NXPE2: variants seen among roughly 807,000 people sequenced by gnomAD.
The protein encoded by NXPE2 is neurexophilin and PC-esterase domain family member 2.
A neutral mutation model predicts 34.4 loss-of-function variants in NXPE2; 34 were observed. That is an observed-to-expected ratio of 0.99 (90% confidence interval 0.75 to 1.31). The LOEUF (loss-of-function observed/expected upper bound fraction) is 1.31. Among genes scored for constraint, NXPE2 ranks in the 40% most tolerant of loss-of-function variants. The probability of loss-of-function intolerance (pLI) is 0.00; values close to 1 mark genes in which losing one functional copy is unlikely to be tolerated. For synonymous variants in NXPE2, 235 were observed against 231.3 expected, an observed-to-expected ratio of 1.02 and a Z score of -0.15; for missense variants, 649 against 672.5, an observed-to-expected ratio of 0.97 and a Z score of 0.39.
At chr11:114,766,981 C>A in the NXPE2 span, among the ~76,000 whole-genome samples, 1 of 149,312 alleles carries the variant, frequency 6.7e-6, no homozygotes, top group African/African-American at 2.5e-5. Context: ...CTTGAAATTT[C>A]TGAAAAAAAA....
the NXPE2 span, among the ~76,000 whole-genome samples, chr11:114,492,293 G>T: frequency 6.6e-6 from 1 of 151,868 alleles, no homozygotes; most frequent in Non-Finnish European, 1.5e-5. Context: ...TATTTGTATA[G>T]TTTCCAAAAA....
the NXPE2 span, among the ~76,000 whole-genome samples, chr11:114,469,404 C>T: frequency 3.3e-4 from 50 of 151,226 alleles, no homozygotes; most frequent in African/African-American, 1.0e-3. Flanking sequence ...TGAGCCACCG[C>T]GCCTTGCCAC....
At chr11:114,659,921 G>A in the NXPE2 span, among the ~76,000 whole-genome samples, 1 of 152,018 alleles carries the variant, frequency 6.6e-6, no homozygotes, top group Non-Finnish European at 1.5e-5. Flanking sequence ...TGCTCAGGAT[G>A]ACTAAAAAGA....
chr11:114,800,527 A>G, the NXPE2 span, among the ~76,000 whole-genome samples: 2 of 152,170 alleles, frequency 1.3e-5, no homozygotes, highest in African/African-American at 4.8e-5. Flanking sequence ...GTTAGCAGTG[A>G]AGTTTCTATC....
intron 2 of NXPE2, among the ~76,000 whole-genome samples, 187 bp downstream of exon 2, chr11:114,679,949 G>A (rs1202623088): frequency 6.6e-6 from 1 of 152,040 alleles, no homozygotes; most frequent in African/African-American, 2.4e-5. Flanking sequence ...ATTTTAAATG[G>A]CAATGTATAC....
At position 114,706,674 on chromosome 11, in the gene NXPE2, G is replaced by A. The variant is rs748246882; in HGVS notation, c.1424G>A (p.Arg475His). The A allele has an allele frequency of 5.8e-6, 9 of 1,551,872 alleles. No individual in the cohort carries two copies. Among genetic ancestry groups the A allele is most frequent in the South Asian group, 3.6e-5 (3 of 84,064 alleles). The change falls in exon 6 of 6, where the codon CGT (arginine) becomes CAT (histidine). Residue 475 changes from arginine to histidine, a missense_variant. Physicochemically the swap from Arg to His is conservative, Grantham distance 29. Transcript: ENST00000389586. ...RAINIQKAIE[R>H]LFLRSPETKV... ...ATCAATATTCAAAAGGCCATTGAAC[G>A]TCTATTCTTGCGAAGCCCGGAGACC...
chr11:114,632,139 A>T, the NXPE2 span, among the ~76,000 whole-genome samples: 19 of 143,808 alleles, frequency 1.3e-4, 1 homozygote, highest in Admixed American at 1.3e-3. Context: ...AATATATTAT[A>T]ATTTATTATG....
chr11:114,571,113 A>C, the NXPE2 span: 11 of 1,613,940 alleles, frequency 6.8e-6, no homozygotes, highest in Non-Finnish European at 9.3e-6. Context: ...AAAGTCACTA[A>C]ATCTTTCTGC....
chr11:114,570,229 A>G, the NXPE2 span, among the ~76,000 whole-genome samples: 1 of 152,138 alleles, frequency 6.6e-6, no homozygotes, highest in Admixed American at 6.5e-5. Flanking sequence ...TGGTCTCTCC[A>G]GTCTTTGACT....
At chr11:114,706,309 G>A (rs1325729385) in intron 5 of NXPE2, 86 bp from the exon 6 acceptor site, 3 of 1,163,480 alleles carry the variant, frequency 2.6e-6, no homozygotes, top group Non-Finnish European at 3.5e-6. Flanking sequence ...AAGTGATCTT[G>A]GTTAGAATTT....
chr11:114,666,373 G>T, the NXPE2 span, among the ~76,000 whole-genome samples: 1 of 151,954 alleles, frequency 6.6e-6, no homozygotes, highest in South Asian at 2.1e-4. Context: ...ACCCCAATTT[G>T]GGGATGAAAG....
At chr11:114,629,822 G>T in the NXPE2 span, among the ~76,000 whole-genome samples, 1 of 150,114 alleles carries the variant, frequency 6.7e-6, no homozygotes, top group Non-Finnish European at 1.5e-5. Context: ...CTTCAGCAAA[G>T]TCTCAGGATA....
At chr11:114,636,074 G>A in the NXPE2 span, among the ~76,000 whole-genome samples, 1,388 of 126,010 alleles carry the variant, frequency 0.011, 21 homozygotes, top group African/African-American at 0.04. Flanking sequence ...GGTAGAATTC[G>A]ACTGTGAATC....
At chr11:114,794,851 G>C in the NXPE2 span, among the ~76,000 whole-genome samples, 889 of 124,766 alleles carry the variant, frequency 7.1e-3, no homozygotes, top group South Asian at 9.0e-3. Context: ...TTGCACCCCC[G>C]CCCCCCCCAA....
At chr11:114,722,210 A>G in the NXPE2 span, among the ~76,000 whole-genome samples, 1 of 152,184 alleles carries the variant, frequency 6.6e-6, no homozygotes, top group Admixed American at 6.5e-5. Flanking sequence ...AGGTGATTAG[A>G]TCATGGGAGC....
the NXPE2 span, chr11:114,582,426 T>A: frequency 6.2e-7 from 1 of 1,614,194 alleles, no homozygotes; most frequent in East Asian, 2.2e-5. Context: ...GTCCAGGTAC[T>A]GGCACAATTC....
the NXPE2 span, among the ~76,000 whole-genome samples, chr11:114,713,341 T>C: frequency 6.6e-6 from 1 of 152,212 alleles, no homozygotes; most frequent in Admixed American, 6.5e-5. Context: ...CCCTCATGTA[T>C]GTTCTTTCCC....
At chr11:114,803,431 A>AATTT in the NXPE2 span, among the ~76,000 whole-genome samples, 5 of 152,228 alleles carry the variant, frequency 3.3e-5, no homozygotes, top group Admixed American at 1.3e-4. Flanking sequence ...AAACAGCAGA[A>AATTT]ATTTATTTCT....
chr11:114,605,887 A>G, the NXPE2 span, among the ~76,000 whole-genome samples: 4 of 146,812 alleles, frequency 2.7e-5, no homozygotes, highest in African/African-American at 1.0e-4. Flanking sequence ...TGCCTCGTGC[A>G]TAACCAATGT....
Sources: gnomAD v4.1 joint callset for allele counts (sites outside exome capture counted in the v4.1 genomes callset) on GRCh38, gnomAD v4.1.1 for gene constraint, MANE v1.5 for transcripts, NCBI Gene and HGNC (gene_info 2026-07-23, HGNC 2026-07-21) for gene names.